The following RNF144A variants were observed in gnomAD, a reference collection of about 807,000 sequenced individuals.
RNF144A encodes ring finger protein 144A.
In RNF144A, 11 loss-of-function variants were observed where a neutral mutation model predicts 38.7. The observed-to-expected ratio is 0.28, with a 90% CI of 0.18 to 0.47. The LOEUF (loss-of-function observed/expected upper bound fraction) is 0.47. RNF144A is among the 20% of genes least tolerant of loss of function. The probability of loss-of-function intolerance (pLI) is 0.99; values close to 1 mark genes in which losing one functional copy is unlikely to be tolerated. For missense variants in RNF144A, 316 were observed against 377.2 expected (o/e 0.84, Z 1.34); for synonymous variants, 149 against 143.9 (o/e 1.04, Z -0.25).
At chr2:7,055,937 A>G (rs1673722711) in intron 6 of RNF144A, among the ~76,000 whole-genome samples, 1 of 152,100 alleles carries the variant, frequency 6.6e-6, no homozygotes. Context: ...CTGGGCGAGC[A>G]TGCACACTCT....
intron 2 of RNF144A, among the ~76,000 whole-genome samples, chr2:6,969,853 C>G (rs996290497): frequency 9.2e-5 from 14 of 152,136 alleles, no homozygotes; most frequent in Non-Finnish European, 1.8e-4. Flanking sequence ...ACTCTGCTTC[C>G]CGGGTTCACA....
chr2:7,047,982 A>G (rs1389552844), downstream of RNF144A, among the ~76,000 whole-genome samples: 7 of 152,070 alleles, frequency 4.6e-5, no homozygotes, highest in Admixed American at 4.6e-4. Context: ...CCTCTTCCTG[A>G]TTTACCCTGA....
rs1671011927 is a variant in RNF144A, at chr2:7,014,485, A to G, written c.167A>G (p.Lys56Arg). ...AAACAGTATGTTGAGCTCTTGATCAAAGAAGGATTAGAAACCGCAATTAGC... is the reference window on the plus strand; with the variant it reads ...AAACAGTATGTTGAGCTCTTGATCAGAGAAGGATTAGAAACCGCAATTAGC... ...CLKQYVELLI[K>R]EGLETAISCP... The change falls in exon 4 of 9, where the codon AAA becomes AGA. Residue 56 changes from lysine (K) to arginine (R), a missense_variant. By Grantham distance (26) the Lys-to-Arg change is conservative (BLOSUM62 2). Transcript: ENST00000320892. 6.2e-7 allele frequency: 1 copy of G among 1,612,806 alleles called. No individual in the cohort carries two copies. The highest frequency in any genetic ancestry group is 2.2e-5 in the East Asian group (1 of 44,884).
rs780099974 is a variant in RNF144A, at chr2:6,958,981, T to C, written c.-12+17834T>C. On this transcript the variant is annotated intron_variant, in intron 2 of 8. Transcript: ENST00000320892. This position sits in a 1 kb window ranked among gnomAD's most constrained non-coding sequence, Gnocchi z 4.5. ...TTGCAGGTGCAGCGTGGGCGTCCAG[T>C]TACTGCTCTCCGGGGCTTGCTCCCC... Among the ~76,000 whole-genome samples the C allele has an allele frequency of 2.0e-5, 3 of 152,340 alleles. No homozygotes were observed. Among genetic ancestry groups the C allele is most frequent in the Middle Eastern group, 3.4e-3 (1 of 294 alleles).
intron 2 of RNF144A, 77 bp from the exon 3 acceptor site, chr2:6,996,829 CCCAGCTACAG>C: frequency 7.2e-7 from 1 of 1,393,446 alleles, no homozygotes; most frequent in Admixed American, 1.9e-5. Context: ...CTCCCTGGGT[CCCAGCTACAG>C]CCAGGAGAAC....
intron 2 of RNF144A, among the ~76,000 whole-genome samples, chr2:6,955,235 T>C (rs1392590118): frequency 3.3e-5 from 5 of 152,212 alleles, no homozygotes; most frequent in Non-Finnish European, 7.3e-5. Context: ...AGTTTTGTGG[T>C]AATCCATTTT....
intron 7 of RNF144A, among the ~76,000 whole-genome samples, chr2:7,027,695 C>T (rs1672001721): frequency 6.6e-6 from 1 of 152,176 alleles, no homozygotes; most frequent in South Asian, 2.1e-4. Context: ...TTCATCCCAC[C>T]CCGGAGTTCA....
chr2:6,960,802 G>T (rs997163215), intron 2 of RNF144A, among the ~76,000 whole-genome samples: 4 of 152,170 alleles, frequency 2.6e-5, no homozygotes, highest in African/African-American at 9.7e-5. Context: ...GTCTGTGGCA[G>T]TTTCAGGCTC....
rs1404274483 is a variant in RNF144A at position 7,033,692 on chromosome 2, C to T, written c.747+3477C>T. ...GTGTGACTGTCATCCAAGAAGAGCC[C>T]TCCCTCCCATGTGGACCCACCCCAC... On this transcript the variant is annotated intron_variant, in intron 8 of 8. Transcript: ENST00000320892. 7.2e-5 allele frequency among the ~76,000 whole-genome samples: 11 copies of T among 152,314 alleles called. No individual in the cohort carries two copies. The East Asian group carries it at 1.2e-3, about 16-fold the overall frequency.
intron 2 of RNF144A, chr2:6,996,669 G>A (rs1304311424): frequency 6.8e-6 from 3 of 439,528 alleles, no homozygotes; most frequent in African/African-American, 5.9e-5. Context: ...CAAGAGAATC[G>A]CTTGAACCCA....
At chr2:6,945,702 G>A (rs961377748) in intron 2 of RNF144A, among the ~76,000 whole-genome samples, 3 of 151,518 alleles carry the variant, frequency 2.0e-5, no homozygotes, top group African/African-American at 7.3e-5. Context: ...TAAGAATGTG[G>A]GTTTTTTTGT....
rs746985753 is a variant in RNF144A at position 7,014,763 on chromosome 2, T to C, written c.292T>C (p.Phe98Leu). The change falls in exon 5 of 9, where the codon TTT (phenylalanine) becomes CTT (leucine). Residue 98 changes from phenylalanine (F) to leucine (L), a missense_variant. By Grantham distance (22) the Phe-to-Leu change is conservative. Coordinates refer to ENST00000320892, the MANE Select transcript of RNF144A (RefSeq NM_014746.6). The part of the protein sequence containing the change: ...EIMQRYKKLQ[F>L]EREVLFDPCR... ...TATGCAAAGATATAAAAAGCTACAA[T>C]TTGAAAGAGGTAGGTGCCTGGTATA... 1.2e-6 allele frequency: 2 copies of C among 1,611,600 alleles called. No homozygotes were observed. Among genetic ancestry groups the C allele is most frequent in the Non-Finnish European group, 1.7e-6 (2 of 1,177,866 alleles).
intron 2 of RNF144A, among the ~76,000 whole-genome samples, chr2:6,947,276 T>TTAATTATATAATTATA: frequency 6.6e-6 from 1 of 152,212 alleles, no homozygotes; most frequent in Non-Finnish European, 1.5e-5. Flanking sequence ...CTTGTTTTTA[T>TTAATTATATAATTATA]TAATTATATA....
chr2:7,060,459 T>C (rs1673908670), intron 6 of RNF144A, among the ~76,000 whole-genome samples: 1 of 152,186 alleles, frequency 6.6e-6, no homozygotes, highest in Admixed American at 6.5e-5. Flanking sequence ...TTGCTTTTGT[T>C]ACCTTCAAAT....
chr2:6,954,225 C>T (rs1194214871), intron 2 of RNF144A, among the ~76,000 whole-genome samples: 3 of 151,152 alleles, frequency 2.0e-5, no homozygotes, highest in Non-Finnish European at 3.0e-5. Context: ...GCTTTTATGC[C>T]GTTTTCTGTT....
At chr2:7,045,937 T>C (rs1372979731), downstream of RNF144A, among the ~76,000 whole-genome samples, 1 of 152,184 alleles carries the variant, frequency 6.6e-6, no homozygotes, top group Non-Finnish European at 1.5e-5. Flanking sequence ...ACAATGATGG[T>C]TAAGCAAAAT....
At chr2:6,949,556 G>C (rs142118838) in intron 2 of RNF144A, among the ~76,000 whole-genome samples, 180 of 152,282 alleles carry the variant, frequency 1.2e-3, no homozygotes, top group African/African-American at 4.0e-3. Flanking sequence ...GACTTTGAGA[G>C]CTGGCCCTGG....
At chr2:6,959,905 C>T (rs533408376) in intron 2 of RNF144A, among the ~76,000 whole-genome samples, 18 of 152,280 alleles carry the variant, frequency 1.2e-4, no homozygotes, top group Admixed American at 6.5e-4. Context: ...CTGGATTCCC[C>T]GGGACTTGTC....
chr2:7,040,505 C>T lies in RNF144A; in HGVS notation c.*745C>T, dbSNP rs927453318. 5.1e-6 allele frequency: 5 copies of T among 985,420 alleles called. No individual in the cohort carries two copies. The highest frequency in any genetic ancestry group is 5.2e-4 in the Middle Eastern group (1 of 1,914). 61.0% of individuals were successfully genotyped at this position (985,420 alleles called of 1,614,324 possible). A position where few individuals can be genotyped will look rare whatever the true frequency, so the allele number is the denominator to read the frequency against. ...AATATTGACGTGTTTAAAGGAACAT[C>T]TCATCTCCATTAGATTTGCCTTTTG... is the stretch of plus-strand genomic sequence containing the variant. On this transcript the variant is annotated 3_prime_UTR_variant, in exon 9 of 9. Coordinates refer to ENST00000320892, the MANE Select transcript of RNF144A (RefSeq NM_014746.6).
Sources: gnomAD v4.1 joint callset for allele counts (sites outside exome capture counted in the v4.1 genomes callset) on GRCh38, gnomAD v4.1.1 for gene constraint, Gnocchi (gnomAD v3.1) non-coding constraint, MANE v1.5 for transcripts, NCBI Gene and HGNC (gene_info 2026-07-23, HGNC 2026-07-21) for gene names.